Variants in SGCZ observed in about 807,000 individuals in gnomAD.
SGCZ encodes zeta-sarcoglycan.
SGCZ carries 40 observed loss-of-function variants against 41.3 expected under a neutral mutation model. The ratio of observed to expected loss-of-function variants is 0.97; its 90% CI spans 0.75 to 1.26. The LOEUF (loss-of-function observed/expected upper bound fraction) is 1.26, where lower values mean the gene tolerates loss of function less well. SGCZ is among the 50% of genes most tolerant of loss of function. The probability of loss-of-function intolerance (pLI) is 0.00; values close to 1 mark genes in which losing one functional copy is unlikely to be tolerated. For synonymous variants in SGCZ, 206 were observed against 137.5 expected, an observed-to-expected ratio of 1.50 and a Z score of -3.49; for missense variants, 552 against 369.8, an observed-to-expected ratio of 1.49 and a Z score of -4.04.
intron 1 of SGCZ, among the ~76,000 whole-genome samples, chr8:15,151,146 T>A (rs1799169822): frequency 6.6e-6 from 1 of 152,238 alleles, no homozygotes; most frequent in Non-Finnish European, 1.5e-5. Context: ...ACTACTGCGG[T>A]ACGCCAACCA....
chr8:14,856,898 G>C lies in SGCZ; in HGVS notation c.40-301972C>G, dbSNP rs116071289. On this transcript the variant is annotated intron_variant, in intron 1 of 7. Coordinates refer to ENST00000382080, the MANE Select transcript of SGCZ (RefSeq NM_139167.4). ...CACCCATACACATATCTAAGACTGA[G>C]TCAACAGTCAGTGTCAATAACAGTT... is the stretch of plus-strand genomic sequence containing the variant. Among the ~76,000 whole-genome samples the C allele has an allele frequency of 4.4e-3, 671 of 152,242 alleles. 5 individuals carry two copies. Among genetic ancestry groups the C allele is most frequent in the African/African-American group, 0.015 (638 of 41,546 alleles).
intron 1 of SGCZ, among the ~76,000 whole-genome samples, chr8:15,013,818 T>C (rs1349229503): frequency 6.6e-6 from 1 of 152,198 alleles, no homozygotes; most frequent in African/African-American, 2.4e-5. Flanking sequence ...TTACAAGTTA[T>C]ACTGACAAGA....
chr8:14,246,097 G>A (rs1799077421), intron 3 of SGCZ, among the ~76,000 whole-genome samples: 1 of 152,176 alleles, frequency 6.6e-6, no homozygotes, highest in Non-Finnish European at 1.5e-5. Flanking sequence ...ACATTACTGG[G>A]TATATACCCA....
At chr8:14,265,808 T>G (rs935412058) in intron 3 of SGCZ, among the ~76,000 whole-genome samples, 1 of 147,630 alleles carries the variant, frequency 6.8e-6, no homozygotes, top group Non-Finnish European at 1.5e-5. Flanking sequence ...CACACAGAAA[T>G]CCTAGACTTG....
chr8:14,182,908 G>A lies in SGCZ; in HGVS notation c.425-18206C>T, dbSNP rs544263958. 2.6e-5 allele frequency among the ~76,000 whole-genome samples: 4 copies of A among 151,612 alleles called. No homozygotes were observed. The South Asian group carries it at 8.3e-4, about 32-fold the overall frequency. ...ACCTGTAATCCCAACTAGGTGGGAG[G>A]CTGAGACAGGAGAATCGCTTGAACC... On this transcript the variant is annotated intron_variant, in intron 4 of 7. Coordinates refer to ENST00000382080, the MANE Select transcript of SGCZ (RefSeq NM_139167.4).
chr8:14,756,534 G>A lies in SGCZ; in HGVS notation c.40-201608C>T, dbSNP rs113840203. On this transcript the variant is annotated intron_variant, in intron 1 of 7. Transcript: ENST00000382080. Reference sequence around the variant, plus strand: ...TTCCCTTTTCCCACAGTACTCTGCAGATGACTCTAATATGTTTCAAACTCT... The same window carrying A: ...TTCCCTTTTCCCACAGTACTCTGCAAATGACTCTAATATGTTTCAAACTCT... 6.1e-4 allele frequency among the ~76,000 whole-genome samples: 93 copies of A among 152,196 alleles called. 2 individuals carry two copies. The highest frequency in any genetic ancestry group is 2.1e-3 in the African/African-American group (88 of 41,538).
intron 1 of SGCZ, among the ~76,000 whole-genome samples, chr8:15,094,276 A>G (rs1404427831): frequency 6.6e-6 from 1 of 152,104 alleles, no homozygotes; most frequent in East Asian, 1.9e-4. Flanking sequence ...CTGAGATTAC[A>G]GGCGTGCACC....
Position 14,698,241 on chromosome 8 carries a change from A to G in SGCZ, c.40-143315T>C, listed in dbSNP as rs377058896. Among the ~76,000 whole-genome samples the G allele has an allele frequency of 2.0e-5, 3 of 152,018 alleles. No individual in the cohort carries two copies. The South Asian group carries it at 6.2e-4, about 31-fold the overall frequency. ...ATAAAATTTGCTTTTATGTGAAGGT[A>G]TTATTGGAGACTCTCAACAAACTAC... On this transcript the variant is annotated intron_variant, in intron 1 of 7. Transcript: ENST00000382080.
chr8:15,151,501 T>C (rs954178049), intron 1 of SGCZ, among the ~76,000 whole-genome samples: 1 of 152,200 alleles, frequency 6.6e-6, no homozygotes, highest in Non-Finnish European at 1.5e-5. Context: ...ATGAATGAGG[T>C]TGAAAATGTG....
At chr8:14,714,291 G>A (rs144045857) in intron 1 of SGCZ, among the ~76,000 whole-genome samples, 4 of 152,084 alleles carry the variant, frequency 2.6e-5, no homozygotes, top group African/African-American at 9.6e-5. Flanking sequence ...ACCATATGCT[G>A]AAGCTTAATG....
At chr8:14,889,822 C>T (rs1804944327) in intron 1 of SGCZ, among the ~76,000 whole-genome samples, 3 of 151,884 alleles carry the variant, frequency 2.0e-5, no homozygotes, top group Middle Eastern at 3.4e-3. Flanking sequence ...ATGCAAGTCA[C>T]GATATTGAAA....
At chr8:15,174,017 C>T (rs113724527) in intron 1 of SGCZ, among the ~76,000 whole-genome samples, 7 of 152,262 alleles carry the variant, frequency 4.6e-5, no homozygotes, top group African/African-American at 1.7e-4. Flanking sequence ...CCACTGCACC[C>T]GTTATACTTT....
chr8:14,633,500 A>T (rs1186724496), intron 1 of SGCZ, among the ~76,000 whole-genome samples: 1 of 151,804 alleles, frequency 6.6e-6, no homozygotes, highest in Non-Finnish European at 1.5e-5. Context: ...AAAATCATTT[A>T]TTATTTATTA....
intron 1 of SGCZ, among the ~76,000 whole-genome samples, chr8:14,822,842 A>C (rs1485675788): frequency 6.6e-6 from 1 of 152,102 alleles, no homozygotes; most frequent in Admixed American, 6.5e-5. Flanking sequence ...TCAAGGCTTC[A>C]GCGCAGCTCG....
At chr8:15,078,908 A>G (rs1049531281) in intron 1 of SGCZ, among the ~76,000 whole-genome samples, 1 of 152,146 alleles carries the variant, frequency 6.6e-6, no homozygotes, top group Non-Finnish European at 1.5e-5. Flanking sequence ...GAATTTAGAT[A>G]ACATTTTCCT....
At chr8:15,050,356 G>A (rs1004325830) in intron 1 of SGCZ, among the ~76,000 whole-genome samples, 1 of 152,136 alleles carries the variant, frequency 6.6e-6, no homozygotes, top group Non-Finnish European at 1.5e-5. Context: ...GTGAAATTGG[G>A]AAGAGCTAAC....
rs950542905 is a variant in SGCZ, at chr8:14,546,563, A to T, written c.234+8169T>A. 2.6e-5 allele frequency among the ~76,000 whole-genome samples: 4 copies of T among 152,168 alleles called. No individual in the cohort carries two copies. In the East Asian group the frequency reaches 5.8e-4, roughly 22 times the overall value. ...CTGCTAAACTCATAAATGTAGTCAT[A>T]CTTGGCACTTACAGATCAGTTTTAA... On this transcript the variant is annotated intron_variant, in intron 2 of 7. Coordinates refer to ENST00000382080, the MANE Select transcript of SGCZ (RefSeq NM_139167.4).
intron 2 of SGCZ, among the ~76,000 whole-genome samples, chr8:14,508,022 C>T (rs1322206074): frequency 6.6e-6 from 1 of 152,078 alleles, no homozygotes; most frequent in African/African-American, 2.4e-5. Context: ...CTGGCCGCCT[C>T]GGCCTCCCAA....
At chr8:15,034,091 C>A (rs984908784) in intron 1 of SGCZ, among the ~76,000 whole-genome samples, 1 of 152,036 alleles carries the variant, frequency 6.6e-6, no homozygotes, top group African/African-American at 2.4e-5. Context: ...AGAAAACCCA[C>A]AATAATCTTT....
Sources: gnomAD v4.1 joint callset for allele counts (sites outside exome capture counted in the v4.1 genomes callset) on GRCh38, gnomAD v4.1.1 for gene constraint, MANE v1.5 for transcripts, NCBI Gene and HGNC (gene_info 2026-07-23, HGNC 2026-07-21) for gene names.